POMC: variants seen among roughly 807,000 people sequenced by gnomAD.
The protein encoded by POMC is proopiomelanocortin.
In POMC, 19 loss-of-function variants were observed where a neutral mutation model predicts 18.5. That is an observed-to-expected ratio of 1.03 (90% CI 0.72 to 1.51). The LOEUF is 1.51. Ranked by LOEUF, POMC falls within the 40% of genes most tolerant of loss-of-function variation. POMC has a pLI of 0.00. For synonymous variants in POMC, 179 were observed against 161.9 expected, an observed-to-expected ratio of 1.11 and a Z score of -0.80; for missense variants, 451 against 379.0, an observed-to-expected ratio of 1.19 and a Z score of -1.58.
At chr2:25,165,542 T>C (rs1379070407) in intron 1 of POMC, 4 of 152,224 alleles carry the variant, frequency 2.6e-5, no homozygotes, top group East Asian at 1.9e-4. Context: ...ACGTGTCAGA[T>C]GTCTTGTTCT....
chr2:25,163,762 T>C (rs1671466455), intron 2 of POMC, among the ~76,000 whole-genome samples: 1 of 152,216 alleles, frequency 6.6e-6, no homozygotes, highest in Admixed American at 6.5e-5. Flanking sequence ...TAGCTAGGAC[T>C]ACAGGCACAT....
intron 1 of POMC, 47 bp from the exon 2 acceptor site, chr2:25,164,839 A>G: frequency 8.1e-6 from 13 of 1,603,686 alleles, no homozygotes; most frequent in Non-Finnish European, 1.1e-5. Context: ...GGAGCAAAAC[A>G]ATGTTGGCCA....
At chr2:25,165,283 C>G (rs540910988) in intron 1 of POMC, among the ~76,000 whole-genome samples, 3 of 152,324 alleles carry the variant, frequency 2.0e-5, no homozygotes, top group African/African-American at 7.2e-5. Context: ...TCAAGATGGT[C>G]TTTTCCCTTT....
rs779649508 is a variant in POMC, at chr2:25,161,575, G to A, written c.310C>T (p.Arg104Cys). The A allele has an allele frequency of 5.2e-6, 8 of 1,547,450 alleles. No homozygotes were observed. Among genetic ancestry groups the A allele is most frequent in the Non-Finnish European group, 7.0e-6 (8 of 1,147,332 alleles). The change falls in exon 3 of 3, where the codon CGC becomes TGC. Residue 104 changes from arginine (R) to cysteine (C), a missense_variant. By Grantham distance (180) the Arg-to-Cys change is radical. Transcript: ENST00000395826. The surrounding 1 kb of genome is among the most constrained non-coding windows in gnomAD (Gnocchi z 5.7). The stretch of plus-strand genomic sequence containing the variant: ...TCTTCGCCCGCTGAGACGTCCTCGC[G>A]CTTCTGCCCTGCGCCGCTGCTGCCG... ...SSGSSGAGQK[R>C]EDVSAGEDCG...
Position 25,161,232 on chromosome 2 carries a change from T to C in POMC, c.653A>G (p.Glu218Gly). 6.2e-7 allele frequency: 1 copy of C among 1,612,766 alleles called. No homozygotes were observed. Among genetic ancestry groups the C allele is most frequent in the South Asian group, 1.1e-5 (1 of 90,970 alleles). The change falls in exon 3 of 3, where the codon GAG (glutamate) becomes GGG (glycine). Residue 218 changes from glutamate to glycine, a missense_variant. Transcript: ENST00000395826. This position sits in a 1 kb window ranked among gnomAD's most constrained non-coding sequence, Gnocchi z 5.7. ...GAAGTGCTCCATCCTGTAGGGGCCC[T>C]CGTCCTTCTTCTCGGCCGCCACCAG... ...SLLVAAEKKD[E>G]GPYRMEHFRW...
rs765946518 is a variant in POMC, at chr2:25,161,311, CG to C, written c.573del (p.Asp192ThrfsTer50). ...CCTGCGCCGTCATCGGCAGGGCCGT[CG>C]GGGCCATCTCCCTCCCGGAGTCGCT... ...TGQRLREGDG[P>X]DGPADDGAGA... On this transcript the variant is annotated frameshift_variant, in exon 3 of 3. Transcript: ENST00000395826. LOFTEE classifies it high-confidence loss of function. This position sits in a 1 kb window ranked among gnomAD's most constrained non-coding sequence, Gnocchi z 5.7. The C allele has an allele frequency of 1.6e-5, 25 of 1,608,886 alleles. No homozygotes were observed. The South Asian group carries it at 2.8e-4, about 18-fold the overall frequency.
chr2:25,165,858 C>G (rs1671537829), intron 1 of POMC, among the ~76,000 whole-genome samples: 1 of 152,172 alleles, frequency 6.6e-6, no homozygotes, highest in African/African-American at 2.4e-5. Context: ...CAGCTCACCG[C>G]CAACCCTACA....
intron 1 of POMC, among the ~76,000 whole-genome samples, chr2:25,167,948 G>A (rs1671611940): frequency 6.6e-6 from 1 of 152,184 alleles, no homozygotes; most frequent in Admixed American, 6.5e-5. Flanking sequence ...GTTGTCGGGA[G>A]TTTGAGACCA....
chr2:25,164,497 T>A (rs1243189255), intron 2 of POMC, 144 bp downstream of exon 2: 3 of 1,320,646 alleles, frequency 2.3e-6, no homozygotes, highest in Non-Finnish European at 3.3e-6. Flanking sequence ...CTTACTTCAC[T>A]GCAAAGTTTT....
In POMC at chr2:25,161,432, G is replaced by A; in HGVS notation, c.453C>T (p.Gly151=). ...MEHFRWGKPV[G]KKRRPVKVYP... ...ACACCTTCACTGGGCGCCGCTTCTT[G>A]CCCACCGGCTTGCCCCAGCGGAAGT... Residue 151 remains glycine (G), a synonymous_variant, in exon 3 of 3, where the codon GGC becomes GGT. Transcript: ENST00000395826. The surrounding 1 kb of genome is among the most constrained non-coding windows in gnomAD (Gnocchi z 5.7). 1.9e-6 allele frequency: 3 copies of A among 1,609,822 alleles called. No homozygotes were observed. Among genetic ancestry groups the A allele is most frequent in the Non-Finnish European group, 2.5e-6 (3 of 1,178,972 alleles).
chr2:25,163,880 A>T (rs574990704), intron 2 of POMC, among the ~76,000 whole-genome samples: 1 of 152,086 alleles, frequency 6.6e-6, no homozygotes, highest in African/African-American at 2.4e-5. Flanking sequence ...CCACCTTAGC[A>T]TCTAAAAGTG....
rs532727275 is a variant in POMC at position 25,162,289 on chromosome 2, T to C, written c.133-537A>G. On this transcript the variant is annotated intron_variant, in intron 2 of 2. Coordinates refer to ENST00000395826, the MANE Select transcript of POMC (RefSeq NM_000939.4). Reference sequence around the variant, plus strand: ...CTATGGTGAAATACCATCTCTAGTATAAATAAATAAATAAGCTGGGTGTGG... The same window carrying C: ...CTATGGTGAAATACCATCTCTAGTACAAATAAATAAATAAGCTGGGTGTGG... Among the ~76,000 whole-genome samples, 147 of 151,850 alleles carry C rather than the reference T, an allele frequency of 9.7e-4. 1 individual carries two copies. Among genetic ancestry groups the C allele is most frequent in the Non-Finnish European group, 1.5e-3 (105 of 67,928 alleles).
chr2:25,161,493 C>T lies in POMC; in HGVS notation c.392G>A (p.Gly131Asp), dbSNP rs1156484016. The change falls in exon 3 of 3, where the codon GGC (glycine) becomes GAC (aspartate). Residue 131 changes from glycine (G) to aspartate (D), a missense_variant. Gly to Asp is a moderately conservative substitution (Grantham distance 94). Coordinates refer to ENST00000395826, the MANE Select transcript of POMC (RefSeq NM_000939.4). This position sits in a 1 kb window ranked among gnomAD's most constrained non-coding sequence, Gnocchi z 5.7. ...PEPRSDGAKP[G>D]PREGKRSYSM... Reference sequence around the variant, plus strand: ...GTAGGAGCGCTTGCCCTCGCGCGGGCCCGGCTTGGCACCATCGCTGCGGGG... The same window carrying T: ...GTAGGAGCGCTTGCCCTCGCGCGGGTCCGGCTTGGCACCATCGCTGCGGGG... 1 of 1,604,596 alleles carries T rather than the reference C, an allele frequency of 6.2e-7. No individual in the cohort carries two copies. Among genetic ancestry groups the T allele is most frequent in the East Asian group, 2.2e-5 (1 of 44,662 alleles).
At chr2:25,167,514 TC>T (rs1671596377) in intron 1 of POMC, among the ~76,000 whole-genome samples, 1 of 152,136 alleles carries the variant, frequency 6.6e-6, no homozygotes, top group Non-Finnish European at 1.5e-5. Flanking sequence ...GTTGAGGGCA[TC>T]CGAAACTAGA....
chr2:25,164,780 G>C lies in POMC; in HGVS notation c.-8C>G. The stretch of plus-strand genomic sequence containing the variant: ...GCAGCACGATCTCGGCATCTTCCAG[G>C]CAGGCTGAGGCTCTGCAGAAGCAAA... On this transcript the variant is annotated 5_prime_UTR_variant, in exon 2 of 3. Coordinates refer to ENST00000395826, the MANE Select transcript of POMC (RefSeq NM_000939.4). The C allele has an allele frequency of 6.2e-7, 1 of 1,613,450 alleles. No individual in the cohort carries two copies. Among genetic ancestry groups the C allele is most frequent in the Non-Finnish European group, 8.5e-7 (1 of 1,180,008 alleles).
chr2:25,161,748 C>G lies in POMC; in HGVS notation c.137G>C (p.Cys46Ser). Reference sequence around the variant, plus strand: ...GAGGTCGGGCTTGCAGGCCCGGATGCACTCCTGGGGGAAGACGCGAGGGCA... The same window carrying G: ...GAGGTCGGGCTTGCAGGCCCGGATGGACTCCTGGGGGAAGACGCGAGGGCA... ...DLTTESNLLE[C>S]IRACKPDLSA... Residue 46 changes from cysteine to serine, a missense_variant, in exon 3 of 3, where the codon TGC (cysteine) becomes TCC (serine). Cys to Ser is a moderately radical substitution (Grantham distance 112). Coordinates refer to ENST00000395826, the MANE Select transcript of POMC (RefSeq NM_000939.4). This position sits in a 1 kb window ranked among gnomAD's most constrained non-coding sequence, Gnocchi z 5.7. The G allele has an allele frequency of 6.3e-7, 1 of 1,592,904 alleles. No homozygotes were observed.
chr2:25,166,691 G>C (rs1484821587), intron 1 of POMC, among the ~76,000 whole-genome samples: 3 of 152,114 alleles, frequency 2.0e-5, no homozygotes, highest in East Asian at 1.9e-4. Flanking sequence ...GTGCTGTGTT[G>C]TACAATGTGG....
chr2:25,161,325 T>A lies in POMC; in HGVS notation c.560A>T (p.Glu187Val). ...KRELTGQRLR[E>V]GDGPDGPADD... The stretch of plus-strand genomic sequence containing the variant: ...GGCAGGGCCGTCGGGGCCATCTCCC[T>A]CCCGGAGTCGCTGGCCAGTCAGCTC... The change falls in exon 3 of 3, where the codon GAG (glutamate) becomes GTG (valine). Residue 187 changes from glutamate (E) to valine (V), a missense_variant. Physicochemically the swap from Glu to Val is moderately radical, Grantham distance 121. Coordinates refer to ENST00000395826, the MANE Select transcript of POMC (RefSeq NM_000939.4). The surrounding 1 kb of genome is among the most constrained non-coding windows in gnomAD (Gnocchi z 5.7). 1 of 1,606,586 alleles carries A rather than the reference T, an allele frequency of 6.2e-7. No homozygotes were observed. Among genetic ancestry groups the A allele is most frequent in the Non-Finnish European group, 8.5e-7 (1 of 1,176,988 alleles).
At chr2:25,162,479 A>AT (rs1229413302) in intron 2 of POMC, among the ~76,000 whole-genome samples, 1 of 152,110 alleles carries the variant, frequency 6.6e-6, no homozygotes, top group East Asian at 1.9e-4. Context: ...AAATAAATAA[A>AT]AAGAATATTG....
Sources: gnomAD v4.1 joint callset for allele counts (sites outside exome capture counted in the v4.1 genomes callset) on GRCh38, gnomAD v4.1.1 for gene constraint, Gnocchi (gnomAD v3.1) non-coding constraint, MANE v1.5 for transcripts, NCBI Gene and HGNC (gene_info 2026-07-23, HGNC 2026-07-21) for gene names.